The following GPHN variants were observed in gnomAD, a reference collection of about 807,000 sequenced individuals.
GPHN encodes gephyrin.
A neutral mutation model predicts 95.5 loss-of-function variants in GPHN; 17 were observed. The ratio of observed to expected loss-of-function variants is 0.18; its 90% CI spans 0.12 to 0.27. The LOEUF is 0.27. Among genes scored for constraint, GPHN ranks in the 10% least tolerant of loss-of-function variants. GPHN has a pLI of 1.00. For synonymous variants in GPHN, 320 were observed against 322.5 expected, an observed-to-expected ratio of 0.99 and a Z score of 0.08; for missense variants, 660 against 978.1, an observed-to-expected ratio of 0.67 and a Z score of 4.34.
chr14:66,884,998 T>A (rs1021706225), intron 5 of GPHN, among the ~76,000 whole-genome samples: 1 of 151,812 alleles, frequency 6.6e-6, no homozygotes, highest in Non-Finnish European at 1.5e-5. Flanking sequence ...TATTTTCCAT[T>A]TGCTGCCAAA....
chr14:66,703,246 C>T (rs1318561176), intron 2 of GPHN, among the ~76,000 whole-genome samples: 1 of 151,900 alleles, frequency 6.6e-6, no homozygotes, highest in East Asian at 1.9e-4. Context: ...CCAGGAGAAC[C>T]TCCCCAACTT....
At chr14:67,387,600 C>T in the GPHN span, 1 of 849,232 alleles carries the variant, frequency 1.2e-6, no homozygotes, top group African/African-American at 1.8e-5. Flanking sequence ...TTAGAGAATC[C>T]TATCAGATGA....
intron 4 of GPHN, among the ~76,000 whole-genome samples, chr14:66,825,797 C>G (rs1352969444): frequency 2.6e-5 from 4 of 152,150 alleles, no homozygotes; most frequent in African/African-American, 4.8e-5. Context: ...TTAACTTCAA[C>G]TGCATAAAGT....
chr14:67,174,698 C>A (rs182666004), intron 21 of GPHN, among the ~76,000 whole-genome samples: 1 of 152,198 alleles, frequency 6.6e-6, no homozygotes, highest in South Asian at 2.1e-4. Flanking sequence ...CTCCCACCAA[C>A]AGTGTAAAAG....
intron 2 of GPHN, among the ~76,000 whole-genome samples, chr14:66,769,771 A>G (rs1405803127): frequency 6.6e-6 from 1 of 151,908 alleles, no homozygotes; most frequent in Non-Finnish European, 1.5e-5. Context: ...GCTATTGTGG[A>G]TAGTGTTGTG....
chr14:67,342,231 AAC>A, the GPHN span, among the ~76,000 whole-genome samples: 28 of 151,118 alleles, frequency 1.9e-4, no homozygotes, highest in African/African-American at 6.5e-4. Flanking sequence ...AATAAAAAAA[AAC>A]ACAAAGAAAA....
chr14:67,577,444 C>A, the GPHN span: 1 of 1,350,754 alleles, frequency 7.4e-7, no homozygotes. Flanking sequence ...AGGCCCACCG[C>A]TGGGATACTT....
chr14:66,789,247 A>G (rs543499285), intron 3 of GPHN, among the ~76,000 whole-genome samples: 106 of 152,330 alleles, frequency 7.0e-4, no homozygotes, highest in African/African-American at 2.5e-3. Context: ...TAATCTAGCC[A>G]AATAATTCCA....
chr14:66,739,383 A>T (rs1419156736), intron 2 of GPHN, among the ~76,000 whole-genome samples: 1 of 150,950 alleles, frequency 6.6e-6, no homozygotes, highest in African/African-American at 2.4e-5. Context: ...CGCCCGGCTA[A>T]TTTTTTGTAT....
At chr14:66,918,919 T>C (rs189840394) in intron 6 of GPHN, among the ~76,000 whole-genome samples, 21 of 148,662 alleles carry the variant, frequency 1.4e-4, no homozygotes, top group African/African-American at 5.1e-4. Flanking sequence ...ATTTTTAAGA[T>C]TTTTTTTTTT....
At chr14:67,088,533 T>G (rs2153667972) in intron 11 of GPHN, among the ~76,000 whole-genome samples, 1 of 152,284 alleles carries the variant, frequency 6.6e-6, no homozygotes, top group South Asian at 2.1e-4. Context: ...GATAGTTTGG[T>G]TTCTTTCCAT....
chr14:66,590,351 A>G (rs1293629915), intron 1 of GPHN, among the ~76,000 whole-genome samples: 1 of 152,178 alleles, frequency 6.6e-6, no homozygotes, highest in African/African-American at 2.4e-5. Context: ...AATCCCTTCA[A>G]AAAATCAATG....
the GPHN span, chr14:67,200,403 C>T: frequency 1.7e-6 from 1 of 573,410 alleles, no homozygotes; most frequent in East Asian, 3.5e-5. Flanking sequence ...GATGCTGTAG[C>T]TCCTTGGGGC....
At chr14:67,047,980 T>C (rs2075122820) in intron 10 of GPHN, among the ~76,000 whole-genome samples, 1 of 152,192 alleles carries the variant, frequency 6.6e-6, no homozygotes, top group South Asian at 2.1e-4. Context: ...TGAAACATTG[T>C]ATATTAAGAA....
chr14:67,500,136 C>G, the GPHN span, among the ~76,000 whole-genome samples: 1 of 152,050 alleles, frequency 6.6e-6, no homozygotes, highest in African/African-American at 2.4e-5. Flanking sequence ...TGCACTCCAG[C>G]CTGGGCAACA....
At chr14:67,449,784 G>A in the GPHN span, among the ~76,000 whole-genome samples, 5 of 152,148 alleles carry the variant, frequency 3.3e-5, no homozygotes, top group African/African-American at 4.8e-5. Flanking sequence ...TGGGTCTCAC[G>A]AGATCTGATG....
At chr14:67,397,820 T>C in the GPHN span, 4 of 1,609,744 alleles carry the variant, frequency 2.5e-6, no homozygotes, top group Non-Finnish European at 3.4e-6. Context: ...TTGTGGACAA[T>C]GTGGCCCTAT....
chr14:66,572,895 T>C (rs1460170119), intron 1 of GPHN, among the ~76,000 whole-genome samples: 1 of 152,164 alleles, frequency 6.6e-6, no homozygotes, highest in Non-Finnish European at 1.5e-5. Flanking sequence ...CTGCACACTT[T>C]TCATATATGG....
chr14:67,087,010 C>G (rs1326882826), intron 11 of GPHN, among the ~76,000 whole-genome samples: 1 of 147,752 alleles, frequency 6.8e-6, no homozygotes, highest in Non-Finnish European at 1.5e-5. Context: ...TGCACTCCAA[C>G]CTGGGCGACA....
Sources: allele counts gnomAD v4.1 joint callset (sites outside exome capture counted in the v4.1 genomes callset), GRCh38; gene constraint gnomAD v4.1.1; transcripts MANE v1.5; gene names NCBI Gene and HGNC (gene_info 2026-07-23, HGNC 2026-07-21).